Variants in RPN2 observed in about 807,000 individuals in gnomAD.
RPN2 encodes the protein dolichyl-diphosphooligosaccharide--protein glycosyltransferase subunit 2.
In RPN2, 29 loss-of-function variants were observed where a neutral mutation model predicts 71.4. The observed-to-expected ratio is 0.41, with a 90% CI of 0.30 to 0.55. The LOEUF is 0.55. RPN2 is among the 20% of genes least tolerant of loss of function. The probability of loss-of-function intolerance (pLI) is 0.35; values close to 1 mark genes in which losing one functional copy is unlikely to be tolerated. For synonymous variants in RPN2, 308 were observed against 305.0 expected, an observed-to-expected ratio of 1.01 and a Z score of -0.10; for missense variants, 726 against 774.1, an observed-to-expected ratio of 0.94 and a Z score of 0.74.
At chr20:37,184,452 C>A in intron 2 of RPN2, 79 bp downstream of exon 2, 1 of 1,207,432 alleles carries the variant, frequency 8.3e-7, no homozygotes, top group Non-Finnish European at 1.2e-6. Flanking sequence ...TGGGGTAGTT[C>A]AAAACTAACT....
intron 1 of RPN2, among the ~76,000 whole-genome samples, chr20:37,181,439 T>TG (rs1398181698): frequency 6.7e-6 from 1 of 150,086 alleles, no homozygotes; most frequent in Non-Finnish European, 1.5e-5. Flanking sequence ...TTCTTTTTTT[T>TG]TTTTTTTTTT....
At chr20:37,222,518 T>G (rs2067985372) in intron 9 of RPN2, among the ~76,000 whole-genome samples, 1 of 152,234 alleles carries the variant, frequency 6.6e-6, no homozygotes, top group Non-Finnish European at 1.5e-5. Context: ...GATAGGTATC[T>G]TTATTTTTAA....
In RPN2 at chr20:37,210,070, T is replaced by C; in HGVS notation, c.891T>C (p.Ser297=). The C allele has an allele frequency of 6.2e-7, 1 of 1,614,156 alleles. No individual in the cohort carries two copies. The highest frequency in any genetic ancestry group is 8.5e-7 in the Non-Finnish European group (1 of 1,180,012). Residue 297 remains serine (S), a synonymous_variant, in exon 8 of 17, where the codon TCT becomes TCC. Coordinates refer to ENST00000237530, the MANE Select transcript of RPN2 (RefSeq NM_002951.5). ...ILRLQVTNVL[S]QPLTQATVKL... Reference sequence around the variant, plus strand: ...AGTTGCAAGTCACCAATGTTCTGTCTCAGCCTCTGACTCAGGCCACTGTTA... The same window carrying C: ...AGTTGCAAGTCACCAATGTTCTGTCCCAGCCTCTGACTCAGGCCACTGTTA...
rs757241492 is a variant in RPN2, at chr20:37,234,043, C to G, written c.1701C>G (p.Val567=). Residue 567 remains valine (V), a synonymous_variant, in exon 15 of 17, where the codon GTC becomes GTG. Coordinates refer to ENST00000237530, the MANE Select transcript of RPN2 (RefSeq NM_002951.5). The part of the protein sequence containing the change: ...FALWIRIGAN[V]SNFTFAPSTI... ...AGTGGATCCGGATTGGTGCCAATGT[C>G]TCCAACTTCACTTTTGCTCCTAGCA... 3 of 1,614,208 alleles carry G rather than the reference C, an allele frequency of 1.9e-6. No individual in the cohort carries two copies. Among genetic ancestry groups the G allele is most frequent in the Non-Finnish European group, 2.5e-6 (3 of 1,180,034 alleles).
At chr20:37,200,715 C>A (rs1223217866) in intron 4 of RPN2, among the ~76,000 whole-genome samples, 2 of 152,152 alleles carry the variant, frequency 1.3e-5, no homozygotes, top group Non-Finnish European at 2.9e-5. Flanking sequence ...ATTTTGTACA[C>A]ACTTTGTCCA....
intron 9 of RPN2, among the ~76,000 whole-genome samples, chr20:37,221,325 A>G (rs1270349396): frequency 6.6e-6 from 1 of 150,844 alleles, no homozygotes; most frequent in Admixed American, 6.6e-5. Flanking sequence ...CCTCCTGAGT[A>G]GCTGGGACTA....
At chr20:37,238,860 C>G (rs2068476678) in intron 16 of RPN2, 6 of 522,048 alleles carry the variant, frequency 1.1e-5, no homozygotes, top group African/African-American at 9.6e-5. Context: ...GTCACTGTTT[C>G]TAGACTTTTC....
chr20:37,241,500 A>C lies in RPN2; in HGVS notation c.*185A>C. The C allele has an allele frequency of 4.4e-6, 3 of 678,012 alleles. No individual in the cohort carries two copies. The highest frequency in any genetic ancestry group is 2.8e-5 in the East Asian group (1 of 36,252). The allele number at this position is 678,012 out of a possible 1,614,324, so 42.0% of individuals were successfully genotyped here. Reference sequence around the variant, plus strand: ...CACACAGCAGATACCTGGTGAGCTCAGATAGTCTCTTTCTCTGACACTGTG... The same window carrying C: ...CACACAGCAGATACCTGGTGAGCTCCGATAGTCTCTTTCTCTGACACTGTG... On this transcript the variant is annotated 3_prime_UTR_variant, in exon 17 of 17. Transcript: ENST00000237530.
chr20:37,227,661 T>G lies in RPN2; in HGVS notation c.1300-889T>G, dbSNP rs537297464. 3.3e-5 allele frequency among the ~76,000 whole-genome samples: 5 copies of G among 152,368 alleles called. 1 individual carries two copies. In the South Asian group the frequency reaches 1.0e-3, roughly 32 times the overall value. On this transcript the variant is annotated intron_variant, in intron 11 of 16. Coordinates refer to ENST00000237530, the MANE Select transcript of RPN2 (RefSeq NM_002951.5). Reference sequence around the variant, plus strand: ...CAACTCATTTAATGCTTGTGCCTTGTGATCTGTAAATTGGATCTGTAAACC... The same window carrying G: ...CAACTCATTTAATGCTTGTGCCTTGGGATCTGTAAATTGGATCTGTAAACC...
At chr20:37,213,513 T>G (rs1434239850) in intron 8 of RPN2, among the ~76,000 whole-genome samples, 1 of 152,014 alleles carries the variant, frequency 6.6e-6, no homozygotes, top group Admixed American at 6.6e-5. Flanking sequence ...CAGTTGAGCC[T>G]ACGAGTTTTG....
intron 8 of RPN2, among the ~76,000 whole-genome samples, chr20:37,211,723 C>G (rs899895921): frequency 6.8e-6 from 1 of 147,410 alleles, no homozygotes; most frequent in East Asian, 2.0e-4. Context: ...ATTAAATATT[C>G]TTTTACAATT....
At chr20:37,180,042 G>T (rs1189035082) in intron 1 of RPN2, among the ~76,000 whole-genome samples, 1 of 152,228 alleles carries the variant, frequency 6.6e-6, no homozygotes, top group African/African-American at 2.4e-5. Flanking sequence ...CCCTAGGTAA[G>T]AACTAAGTTA....
intron 1 of RPN2, among the ~76,000 whole-genome samples, chr20:37,183,057 A>G (rs1328891398): frequency 1.3e-5 from 2 of 152,190 alleles, no homozygotes; most frequent in East Asian, 1.9e-4. Flanking sequence ...TGGAACTTAC[A>G]GTTTAGCAGA....
intron 9 of RPN2, 128 bp from the exon 10 acceptor site, chr20:37,223,750 G>T: frequency 1.4e-6 from 1 of 739,982 alleles, no homozygotes; most frequent in Non-Finnish European, 2.4e-6. Flanking sequence ...TATCATCCTT[G>T]AAGACTCTTG....
chr20:37,183,038 T>G (rs192442795), intron 1 of RPN2, among the ~76,000 whole-genome samples: 1 of 152,310 alleles, frequency 6.6e-6, no homozygotes, highest in Admixed American at 6.5e-5. Context: ...GAAGCAGTCT[T>G]TATCCTCATG....
chr20:37,182,981 A>G (rs1010177124), intron 1 of RPN2, among the ~76,000 whole-genome samples: 3 of 152,232 alleles, frequency 2.0e-5, no homozygotes, highest in Non-Finnish European at 4.4e-5. Flanking sequence ...TTCAGTAACT[A>G]TGTGCCAGGC....
chr20:37,194,757 G>A (rs550687788), intron 2 of RPN2, among the ~76,000 whole-genome samples: 11 of 152,296 alleles, frequency 7.2e-5, no homozygotes, highest in African/African-American at 2.6e-4. Flanking sequence ...GCAGTAGGAA[G>A]CACCTGGGGA....
intron 4 of RPN2, among the ~76,000 whole-genome samples, chr20:37,203,455 C>G (rs972543870): frequency 1.5e-4 from 22 of 151,500 alleles, no homozygotes; most frequent in African/African-American, 4.9e-4. Context: ...CCTCCTGGGC[C>G]TCAGCCTCCC....
At chr20:37,226,327 C>G (rs1288318520) in intron 11 of RPN2, among the ~76,000 whole-genome samples, 1 of 152,160 alleles carries the variant, frequency 6.6e-6, no homozygotes, top group Non-Finnish European at 1.5e-5. Flanking sequence ...CTGCCTCAGC[C>G]TCCCAAAGTG....
Sources: allele counts gnomAD v4.1 joint callset (sites outside exome capture counted in the v4.1 genomes callset), GRCh38; gene constraint gnomAD v4.1.1; transcripts MANE v1.5; gene names NCBI Gene and HGNC (gene_info 2026-07-23, HGNC 2026-07-21).